TAF5: variants seen among roughly 807,000 people sequenced by gnomAD.
TAF5 encodes the protein transcription initiation factor TFIID subunit 5.
Under a neutral mutation model 80.9 loss-of-function variants are expected in TAF5, and 20 were observed. The observed-to-expected ratio is 0.25, with a 90% confidence interval of 0.17 to 0.36. The LOEUF is 0.36. Ranked by LOEUF, TAF5 falls within the 10% of genes least tolerant of loss-of-function variation. The pLI is 1.00. For missense variants in TAF5, 863 were observed against 1,029.4 expected, an observed-to-expected ratio of 0.84 and a Z score of 2.21; for synonymous variants, 388 against 406.4, an observed-to-expected ratio of 0.95 and a Z score of 0.55.
chr10:103,379,094 A>G (rs1226859979), intron 3 of TAF5, among the ~76,000 whole-genome samples: 2 of 152,134 alleles, frequency 1.3e-5, no homozygotes, highest in Non-Finnish European at 1.5e-5. Flanking sequence ...TCTCCCATAA[A>G]ATGAATTTCA....
chr10:103,376,489 C>G, intron 2 of TAF5, among the ~76,000 whole-genome samples: 1 of 151,896 alleles, frequency 6.6e-6, no homozygotes, highest in Non-Finnish European at 1.5e-5. Context: ...ACTTAGCACC[C>G]CTGGCTTCTA....
In TAF5 at chr10:103,379,869, C is replaced by G; in HGVS notation, c.1278-15C>G. The G allele has an allele frequency of 1.2e-6, 2 of 1,608,912 alleles. No homozygotes were observed. The highest frequency in any genetic ancestry group is 1.7e-6 in the Non-Finnish European group (2 of 1,178,620). Reference sequence around the variant, plus strand: ...ATAGTCAAAAGGTAATTTTGACTCTCTTTTTCTTTCACAGAATCCCTCTTC... The same window carrying G: ...ATAGTCAAAAGGTAATTTTGACTCTGTTTTTCTTTCACAGAATCCCTCTTC... On this transcript the variant is annotated splice_polypyrimidine_tract_variant and intron_variant, in intron 4 of 10. Transcript: ENST00000369839.
intron 2 of TAF5, among the ~76,000 whole-genome samples, chr10:103,376,915 G>A (rs2093371455): frequency 6.6e-6 from 1 of 152,144 alleles, no homozygotes; most frequent in South Asian, 2.1e-4. Flanking sequence ...ATGGTGGCAC[G>A]TGCCTGTAGT....
In TAF5 at chr10:103,368,007, G is replaced by T. The variant is rs772855946; in HGVS notation, c.18G>T (p.Glu6Asp). MAALA[E>D]EQTEVAVKLE... Reference sequence around the variant, plus strand: ...GCCGCAAGATGGCGGCGCTGGCGGAGGAGCAGACGGAGGTGGCGGTCAAGC... The same window carrying T: ...GCCGCAAGATGGCGGCGCTGGCGGATGAGCAGACGGAGGTGGCGGTCAAGC... The change falls in exon 1 of 11, where the codon GAG becomes GAT. Residue 6 changes from glutamate to aspartate, a missense_variant. Glu to Asp is a conservative substitution (Grantham distance 45). Coordinates refer to ENST00000369839, the MANE Select transcript of TAF5 (RefSeq NM_006951.5). The T allele has an allele frequency of 6.8e-7, 1 of 1,462,066 alleles. No individual in the cohort carries two copies. The highest frequency in any genetic ancestry group is 9.0e-7 in the Non-Finnish European group (1 of 1,113,736). The allele number at this position is 1,462,066 out of a possible 1,614,324, so 90.6% of individuals were successfully genotyped here.
At chr10:103,373,625 C>T (rs775171859) in intron 2 of TAF5, 30 bp downstream of exon 2, 84 of 1,427,352 alleles carry the variant, frequency 5.9e-5, no homozygotes, top group Non-Finnish European at 7.4e-5. Flanking sequence ...TATATATATA[C>T]ACACATACGT....
At chr10:103,368,903 CTT>C (rs1431536763) in intron 1 of TAF5, among the ~76,000 whole-genome samples, 6 of 152,104 alleles carry the variant, frequency 3.9e-5, no homozygotes, top group Admixed American at 1.3e-4. Context: ...TACTAGCGTA[CTT>C]TAAGTACTGT....
intron 1 of TAF5, among the ~76,000 whole-genome samples, chr10:103,370,133 G>A (rs573632803): frequency 6.6e-6 from 1 of 151,650 alleles, no homozygotes; most frequent in East Asian, 2.0e-4. Context: ...TTGGGGGGCT[G>A]AGGCAGGAGA....
intron 1 of TAF5, among the ~76,000 whole-genome samples, chr10:103,372,665 G>A (rs1380741906): frequency 6.6e-6 from 1 of 150,778 alleles, no homozygotes; most frequent in Non-Finnish European, 1.5e-5. Flanking sequence ...ACTTTGGGAG[G>A]CAGGTGGATC....
rs2093377522 is a variant in TAF5, at chr10:103,379,601, C to G, written c.1114-7C>G. 2 of 1,570,976 alleles carry G rather than the reference C, an allele frequency of 1.3e-6. No homozygotes were observed. The highest frequency in any genetic ancestry group is 8.6e-7 in the Non-Finnish European group (1 of 1,167,524). ...ATTTTAAAAATGTTGGCTCTTTTGA[C>G]TTGTAGGTATTTTTTGGTTTATTAA... On this transcript the variant is annotated splice_polypyrimidine_tract_variant and splice_region_variant and intron_variant, in intron 3 of 10. Transcript: ENST00000369839.
intron 2 of TAF5, among the ~76,000 whole-genome samples, chr10:103,377,913 A>G (rs1323599451): frequency 6.6e-6 from 1 of 152,180 alleles, no homozygotes; most frequent in Non-Finnish European, 1.5e-5. Context: ...AATGTCTACC[A>G]GTTTCTTTTA....
chr10:103,387,940 G>C (rs748699831), intron 10 of TAF5, 66 bp from the exon 11 acceptor site: 151 of 1,450,860 alleles, frequency 1.0e-4, no homozygotes, highest in Admixed American at 5.2e-4. Flanking sequence ...ACATAGTGTA[G>C]TGGACAAAAT....
intron 1 of TAF5, among the ~76,000 whole-genome samples, chr10:103,370,450 C>T (rs1349327741): frequency 2.0e-5 from 3 of 150,462 alleles, no homozygotes; most frequent in African/African-American, 4.9e-5. Flanking sequence ...CTCAGCCTCC[C>T]GAGTAGGTGG....
intron 1 of TAF5, 100 bp from the exon 2 acceptor site, chr10:103,373,258 A>G: frequency 1.1e-6 from 1 of 880,082 alleles, no homozygotes. Context: ...GAAAGAGACA[A>G]CAGTCTGAGA....
At chr10:103,385,255 A>G (rs2093393158) in intron 7 of TAF5, 71 bp from the exon 8 acceptor site, 1 of 1,211,770 alleles carries the variant, frequency 8.3e-7, no homozygotes, top group Admixed American at 2.1e-5. Context: ...ATGTATTCAA[A>G]TGTATATAAA....
At chr10:103,380,131 C>CTTTT in intron 5 of TAF5, 112 bp downstream of exon 5, 7 of 990,262 alleles carry the variant, frequency 7.1e-6, no homozygotes, top group South Asian at 2.0e-5. Flanking sequence ...ATTTAAACTC[C>CTTTT]TTTTTTTTTT....
intron 10 of TAF5, 114 bp from the exon 11 acceptor site, chr10:103,387,892 G>GT: frequency 8.6e-7 from 1 of 1,168,776 alleles, no homozygotes; most frequent in South Asian, 1.5e-5. Flanking sequence ...AGAGTTATTG[G>GT]TCAAGTTTAG....
chr10:103,369,299 A>G (rs925188481), intron 1 of TAF5, among the ~76,000 whole-genome samples: 1 of 149,620 alleles, frequency 6.7e-6, no homozygotes, highest in African/African-American at 2.5e-5. Context: ...ATACCCTTGT[A>G]ACAGTCCTGC....
Position 103,370,787 on chromosome 10 carries a change from C to G in TAF5, c.559+2239C>G, listed in dbSNP as rs543630009. On this transcript the variant is annotated intron_variant, in intron 1 of 10. Transcript: ENST00000369839. ...TACCGTATAAGGTATCAAAGGTGAT[C>G]CTGAGCTAACAATAAATGTTTATTG... Among the ~76,000 whole-genome samples the G allele has an allele frequency of 1.3e-4, 20 of 152,320 alleles. No homozygotes were observed. The South Asian group carries it at 4.1e-3, about 32-fold the overall frequency.
rs763089499 is a variant in TAF5 at position 103,373,498 on chromosome 10, G to T, written c.700G>T (p.Ala234Ser). The change falls in exon 2 of 11, where the codon GCA becomes TCA. Residue 234 changes from alanine (A) to serine (S), a missense_variant. Ala to Ser is a moderately conservative substitution (Grantham distance 99). Around this residue, in one of 3 missense-constraint regions of TAF5, gnomAD observed 128 missense variants for 232.2 expected, o/e 0.55. Transcript: ENST00000369839. ...TGAATGTTCCCTGGACTGCCATCGGGCAGAGTTGTCCCAACTTTTTTATCC... is the reference window on the plus strand; with the variant it reads ...TGAATGTTCCCTGGACTGCCATCGGTCAGAGTTGTCCCAACTTTTTTATCC... The part of the protein sequence containing the change: ...FIECSLDCHR[A>S]ELSQLFYPLF... 1.9e-6 allele frequency: 3 copies of T among 1,614,182 alleles called. No homozygotes were observed. The highest frequency in any genetic ancestry group is 2.5e-6 in the Non-Finnish European group (3 of 1,180,040).
Sources: gnomAD v4.1 joint callset for allele counts (sites outside exome capture counted in the v4.1 genomes callset) on GRCh38, gnomAD v4.1.1 for gene constraint, gnomAD v4.1.1 regional missense constraint, MANE v1.5 for transcripts, NCBI Gene and HGNC (gene_info 2026-07-23, HGNC 2026-07-21) for gene names.